FOXN3: variants seen among roughly 807,000 people sequenced by gnomAD.
The protein encoded by FOXN3 is forkhead box protein N3.
In FOXN3, 7 loss-of-function variants were observed where a neutral mutation model predicts 38.4. The observed-to-expected ratio is 0.18, with a 90% CI of 0.10 to 0.34. FOXN3 has a LOEUF of 0.34. FOXN3 is among the 10% of genes least tolerant of loss of function. FOXN3 has a pLI of 1.00. For synonymous variants in FOXN3, 230 were observed against 242.2 expected (o/e 0.95, Z 0.47); for missense variants, 456 against 613.4 (o/e 0.74, Z 2.71).
At chr14:89,553,349 T>C (rs1274400609) in intron 1 of FOXN3, among the ~76,000 whole-genome samples, 2 of 148,244 alleles carry the variant, frequency 1.3e-5, no homozygotes, top group Non-Finnish European at 3.0e-5. Context: ...AATTACATAA[T>C]GAGGACAGTC....
chr14:89,169,277 C>T lies in FOXN3; in HGVS notation c.852-6308G>A, dbSNP rs527604782. 9.9e-5 allele frequency among the ~76,000 whole-genome samples: 15 copies of T among 152,052 alleles called. No individual in the cohort carries two copies. In the South Asian group the frequency reaches 2.3e-3, roughly 23 times the overall value. On this transcript the variant is annotated intron_variant, in intron 5 of 5. Transcript: ENST00000557258. The stretch of plus-strand genomic sequence containing the variant: ...GCAACATGGTAAAACCCCATCTCTA[C>T]AAAAATGCAAAAAATTAACTGAACA...
rs557104097 is a variant in FOXN3, at chr14:89,360,398, G to A, written c.544-9590C>T. On this transcript the variant is annotated intron_variant, in intron 2 of 5. Coordinates refer to ENST00000557258, the MANE Select transcript of FOXN3 (RefSeq NM_005197.4). Reference sequence around the variant, plus strand: ...AAAGGGAAAGGGAGGGAGGGAGGCAGGAAGACAGGGAGAGAGGTAAAAAGA... The same window carrying A: ...AAAGGGAAAGGGAGGGAGGGAGGCAAGAAGACAGGGAGAGAGGTAAAAAGA... 5.4e-3 allele frequency among the ~76,000 whole-genome samples: 806 copies of A among 150,418 alleles called. 14 individuals are homozygous for A. The highest frequency in any genetic ancestry group is 0.019 in the African/African-American group (758 of 40,774).
At chr14:89,495,026 T>G (rs1267394156) in intron 1 of FOXN3, among the ~76,000 whole-genome samples, 2 of 152,208 alleles carry the variant, frequency 1.3e-5, no homozygotes, top group Non-Finnish European at 2.9e-5. Flanking sequence ...AATGTATGGT[T>G]ATTGGTGCAC....
intron 1 of FOXN3, among the ~76,000 whole-genome samples, chr14:89,575,824 A>T (rs531857523): frequency 6.6e-6 from 1 of 152,144 alleles, no homozygotes; most frequent in Non-Finnish European, 1.5e-5. Context: ...TGGCCATGTG[A>T]TTGGCTCCCA....
chr14:89,313,507 G>T (rs1293094813), intron 3 of FOXN3, among the ~76,000 whole-genome samples: 1 of 151,554 alleles, frequency 6.6e-6, no homozygotes, highest in Non-Finnish European at 1.5e-5. Context: ...GCAGTGAGCC[G>T]AGATCATGGC....
intron 3 of FOXN3, among the ~76,000 whole-genome samples, chr14:89,283,047 CCT>C (rs1243111527): frequency 1.3e-5 from 2 of 152,130 alleles, no homozygotes; most frequent in African/African-American, 4.8e-5. Context: ...TTTCCTGGCC[CCT>C]GTTGTAATTG....
intron 3 of FOXN3, among the ~76,000 whole-genome samples, chr14:89,342,664 C>T (rs182838892): frequency 1.6e-4 from 25 of 152,210 alleles, no homozygotes; most frequent in African/African-American, 5.5e-4. Flanking sequence ...ACTTTGAAAG[C>T]CCCGGTATTC....
intron 5 of FOXN3, among the ~76,000 whole-genome samples, chr14:89,170,182 C>A (rs1314777875): frequency 6.6e-6 from 1 of 152,172 alleles, no homozygotes; most frequent in Non-Finnish European, 1.5e-5. Flanking sequence ...TCTAAACATT[C>A]ACAGTTTCAT....
At chr14:89,581,486 G>GA (rs71107534) in intron 1 of FOXN3, among the ~76,000 whole-genome samples, 92,335 of 145,762 alleles carry the variant, frequency 0.63, 33,444 homozygotes, top group Non-Finnish European at 0.82. Context: ...CTGTCTCAAA[G>GA]AAAAAAAAAA....
chr14:89,246,723 T>C (rs1019072494), intron 4 of FOXN3, among the ~76,000 whole-genome samples: 7 of 151,810 alleles, frequency 4.6e-5, no homozygotes, highest in African/African-American at 1.7e-4. Flanking sequence ...TATTTTTTAG[T>C]CGAGACGGGG....
chr14:89,198,204 G>C (rs1286566797), intron 4 of FOXN3, among the ~76,000 whole-genome samples: 2 of 152,058 alleles, frequency 1.3e-5, no homozygotes, highest in African/African-American at 4.8e-5. Flanking sequence ...CTTTTTTCTT[G>C]TCATTATTCC....
intron 1 of FOXN3, among the ~76,000 whole-genome samples, chr14:89,569,159 C>A (rs901920835): frequency 1.3e-5 from 2 of 151,988 alleles, no homozygotes; most frequent in South Asian, 4.1e-4. Context: ...GAGCCAAGAT[C>A]GCACCACTGC....
intron 4 of FOXN3, among the ~76,000 whole-genome samples, chr14:89,194,874 CAT>C (rs558656720): frequency 6.6e-6 from 1 of 152,056 alleles, no homozygotes; most frequent in African/African-American, 2.4e-5. Flanking sequence ...GACACACACA[CAT>C]ATATATACGT....
At chr14:89,591,427 C>A (rs1895947966) in intron 1 of FOXN3, among the ~76,000 whole-genome samples, 1 of 152,198 alleles carries the variant, frequency 6.6e-6, no homozygotes, top group Non-Finnish European at 1.5e-5. Flanking sequence ...CAGAGGAAAA[C>A]CTCCGGAGAG....
intron 2 of FOXN3, among the ~76,000 whole-genome samples, chr14:89,392,004 T>C (rs1054287113): frequency 6.6e-6 from 1 of 152,154 alleles, no homozygotes; most frequent in African/African-American, 2.4e-5. Flanking sequence ...ACTCTTTCCA[T>C]TTTGTTGTCA....
chr14:89,536,941 A>C (rs1317058242), intron 1 of FOXN3, among the ~76,000 whole-genome samples: 2 of 152,202 alleles, frequency 1.3e-5, no homozygotes, highest in African/African-American at 4.8e-5. Flanking sequence ...CAAATTCTTT[A>C]TCATGGCATG....
At chr14:89,171,143 A>G (rs191427735) in intron 5 of FOXN3, among the ~76,000 whole-genome samples, 10 of 152,298 alleles carry the variant, frequency 6.6e-5, no homozygotes, top group Non-Finnish European at 7.4e-5. Context: ...TAGTTACAAA[A>G]GATGTTTTGA....
At chr14:89,572,094 T>C (rs1026900519) in intron 1 of FOXN3, among the ~76,000 whole-genome samples, 1 of 152,212 alleles carries the variant, frequency 6.6e-6, no homozygotes, top group Non-Finnish European at 1.5e-5. Context: ...TCCATATCTA[T>C]TATTTTAGCC....
chr14:89,168,410 C>T (rs1003748679), intron 5 of FOXN3, among the ~76,000 whole-genome samples: 1 of 152,114 alleles, frequency 6.6e-6, no homozygotes, highest in Admixed American at 6.6e-5. Context: ...GAAGAGGAAG[C>T]GCTTGAGCCC....
Sources: gnomAD v4.1 joint callset for allele counts (sites outside exome capture counted in the v4.1 genomes callset) on GRCh38, gnomAD v4.1.1 for gene constraint, MANE v1.5 for transcripts, NCBI Gene and HGNC (gene_info 2026-07-23, HGNC 2026-07-21) for gene names.